EIF4A1: variants seen among roughly 807,000 people sequenced by gnomAD.
EIF4A1 encodes the protein eukaryotic translation initiation factor 4A1.
Under a neutral mutation model 53.5 loss-of-function variants are expected in EIF4A1, and 11 were observed. The observed-to-expected ratio is 0.21, with a 90% CI of 0.13 to 0.34. EIF4A1 has a LOEUF of 0.34. Ranked by LOEUF, EIF4A1 falls within the 10% of genes least tolerant of loss-of-function variation. EIF4A1 has a pLI of 1.00. For synonymous variants in EIF4A1, 237 were observed against 186.7 expected (o/e 1.27, Z -2.20); for missense variants, 213 against 530.8 (o/e 0.40, Z 5.88).
chr17:7,575,841 G>C (rs2071393758), intron 4 of EIF4A1: 1 of 205,232 alleles, frequency 4.9e-6, no homozygotes, highest in Non-Finnish European at 1.0e-5. Context: ...TATGGCAGGA[G>C]TGCAATAGGA....
At chr17:7,574,772 G>A (rs780607802) in intron 3 of EIF4A1, 94 bp downstream of exon 3, 122 of 1,589,136 alleles carry the variant, frequency 7.7e-5, no homozygotes, top group Non-Finnish European at 1.0e-4. Flanking sequence ...ATCAGCCAGG[G>A]ACAAAGCAAC....
chr17:7,576,988 A>G, intron 5 of EIF4A1, 68 bp from the exon 6 acceptor site: 2 of 1,567,630 alleles, frequency 1.3e-6, no homozygotes, highest in Admixed American at 1.7e-5. Context: ...TTATCAGCGA[A>G]GTTGGATATA....
At chr17:7,574,085 A>G in intron 1 of EIF4A1, 175 bp from the exon 2 acceptor site, 3 of 700,804 alleles carry the variant, frequency 4.3e-6, no homozygotes, top group South Asian at 3.7e-5. Flanking sequence ...CATGGGGCAA[A>G]TGCCTCAGTT....
At chr17:7,573,293 A>C (rs1485793794) in intron 1 of EIF4A1, 1 of 291,808 alleles carries the variant, frequency 3.4e-6, no homozygotes, top group Non-Finnish European at 6.6e-6. Flanking sequence ...ACCACTCGCG[A>C]GAGGCGGGGG....
rs758502373 is a variant in EIF4A1 at position 7,577,684 on chromosome 17, G to A, written c.884G>A (p.Arg295Gln). The A allele has an allele frequency of 2.5e-6, 4 of 1,613,092 alleles. No individual in the cohort carries two copies. Among genetic ancestry groups the A allele is most frequent in the Non-Finnish European group, 3.4e-6 (4 of 1,179,922 alleles). The change falls in exon 8 of 11, where the codon CGA becomes CAA. Residue 295 changes from arginine (R) to glutamine (Q), a missense_variant. By Grantham distance (43) the Arg-to-Gln change is conservative. Transcript: ENST00000293831. The surrounding 1 kb of genome is among the most constrained non-coding windows in gnomAD (Gnocchi z 4.7). ...VDWLTEKMHA[R>Q]DFTVSAMHGD... ...TGGCTCACCGAGAAGATGCATGCTCGAGATTTCACTGTATCCGCCATGGTG... is the reference window on the plus strand; with the variant it reads ...TGGCTCACCGAGAAGATGCATGCTCAAGATTTCACTGTATCCGCCATGGTG...
rs756289815 is a variant in EIF4A1, at chr17:7,577,949, G to T, written c.996+33G>T. 13 of 1,613,304 alleles carry T rather than the reference G, an allele frequency of 8.1e-6. No homozygotes were observed. The highest frequency in any genetic ancestry group is 1.1e-5 in the Non-Finnish European group (13 of 1,179,362). ...GAGGGAACTGATAGCAAAGGCAGAA[G>T]GGAGGATCCAAGGTGATTCCCTCTC... On this transcript the variant is annotated intron_variant, in intron 9 of 10. Coordinates refer to ENST00000293831, the MANE Select transcript of EIF4A1 (RefSeq NM_001416.4). This position sits in a 1 kb window ranked among gnomAD's most constrained non-coding sequence, Gnocchi z 4.7.
intron 4 of EIF4A1, 157 bp downstream of exon 4, chr17:7,575,415 AC>A: frequency 9.0e-7 from 1 of 1,110,026 alleles, no homozygotes; most frequent in Non-Finnish European, 1.3e-6. Context: ...GCTATTTCTT[AC>A]CCAAACGTAA....
intron 5 of EIF4A1, 114 bp from the exon 6 acceptor site, chr17:7,576,942 A>C (rs776703422): frequency 2.2e-6 from 3 of 1,385,344 alleles, no homozygotes; most frequent in Admixed American, 1.7e-5. Flanking sequence ...CAGTCTTTGT[A>C]CTCTGAGAGC....
In EIF4A1 at chr17:7,577,607, C is replaced by T. The variant is rs1166792536; in HGVS notation, c.807C>T (p.Thr269=). The T allele has an allele frequency of 1.2e-6, 2 of 1,613,656 alleles. No individual in the cohort carries two copies. The highest frequency in any genetic ancestry group is 1.7e-6 in the Non-Finnish European group (2 of 1,179,944). ...ACACACTATGTGACTTGTATGAAAC[C>T]CTGACCATCACCCAGGCAGTCATCT... is the stretch of plus-strand genomic sequence containing the variant. The part of the protein sequence containing the change: ...KLDTLCDLYE[T]LTITQAVIFI... Residue 269 remains threonine (T), a synonymous_variant, in exon 8 of 11, where the codon ACC becomes ACT. Coordinates refer to ENST00000293831, the MANE Select transcript of EIF4A1 (RefSeq NM_001416.4). The surrounding 1 kb of genome is among the most constrained non-coding windows in gnomAD (Gnocchi z 4.7).
chr17:7,575,360 A>G (rs1414674135), intron 4 of EIF4A1, 102 bp downstream of exon 4: 3 of 1,542,726 alleles, frequency 1.9e-6, no homozygotes, highest in East Asian at 4.5e-5. Context: ...TGGGAGGAAG[A>G]CATGGGTGCC....
chr17:7,575,093 A>AT, intron 3 of EIF4A1, 26 bp from the exon 4 acceptor site: 1 of 1,611,130 alleles, frequency 6.2e-7, no homozygotes, highest in South Asian at 1.1e-5. Context: ...TCTTTACCAC[A>AT]TTCAACTCCT....
rs773575357 is a variant in EIF4A1 at position 7,574,302 on chromosome 17, C to T, written c.66C>T (p.Val22=). 6.2e-7 allele frequency: 1 copy of T among 1,614,088 alleles called. No homozygotes were observed. The highest frequency in any genetic ancestry group is 8.5e-7 in the Non-Finnish European group (1 of 1,180,050). The change falls in exon 2 of 11, where the codon GTC becomes GTT. Residue 22 remains valine, a synonymous_variant. Coordinates refer to ENST00000293831, the MANE Select transcript of EIF4A1 (RefSeq NM_001416.4). ...NGPDGMEPEG[V]IESNWNEIVD... ...CCGATGGGATGGAGCCCGAAGGCGTCATCGAGGTGAGACTGGAGAAATGGA... is the reference window on the plus strand; with the variant it reads ...CCGATGGGATGGAGCCCGAAGGCGTTATCGAGGTGAGACTGGAGAAATGGA...
chr17:7,577,681 C>A lies in EIF4A1; in HGVS notation c.881C>A (p.Ala294Asp). ...KVDWLTEKMHARDFTVSAMHG... is the reference protein window; with the variant it reads ...KVDWLTEKMHDRDFTVSAMHG... ...GACTGGCTCACCGAGAAGATGCATG[C>A]TCGAGATTTCACTGTATCCGCCATG... The change falls in exon 8 of 11, where the codon GCT (alanine) becomes GAT (aspartate). Residue 294 changes from alanine to aspartate, a missense_variant. Coordinates refer to ENST00000293831, the MANE Select transcript of EIF4A1 (RefSeq NM_001416.4). The surrounding 1 kb of genome is among the most constrained non-coding windows in gnomAD (Gnocchi z 4.7). 6.2e-7 allele frequency: 1 copy of A among 1,613,240 alleles called. No homozygotes were observed. Among genetic ancestry groups the A allele is most frequent in the South Asian group, 1.1e-5 (1 of 91,040 alleles).
At position 7,574,547 on chromosome 17, in the gene EIF4A1, G is replaced by C. The variant is rs749545098; in HGVS notation, c.74G>C (p.Ser25Thr). 5.6e-6 allele frequency: 9 copies of C among 1,612,716 alleles called. No individual in the cohort carries two copies. Among genetic ancestry groups the C allele is most frequent in the Non-Finnish European group, 7.6e-6 (9 of 1,179,962 alleles). Residue 25 changes from serine (S) to threonine (T), a missense_variant and splice_region_variant, in exon 3 of 11, where the codon AGT becomes ACT. By Grantham distance (58) the Ser-to-Thr change is moderately conservative. Around this residue, in one of 4 missense-constraint regions of EIF4A1, gnomAD observed 53 missense variants for 34.0 expected, o/e 1.56. Coordinates refer to ENST00000293831, the MANE Select transcript of EIF4A1 (RefSeq NM_001416.4). ...DGMEPEGVIE[S>T]NWNEIVDSFD... ...CTTTAATTTCTTTGCATCCCCTAGA[G>C]TAACTGGAATGAGATTGTTGACAGC...
Position 7,577,815 on chromosome 17 carries a change from T to C in EIF4A1, c.907-12T>C. 1.9e-6 allele frequency: 3 copies of C among 1,614,168 alleles called. No homozygotes were observed. Among genetic ancestry groups the C allele is most frequent in the Non-Finnish European group, 2.5e-6 (3 of 1,180,028 alleles). ...CCTACCTGGTCTGCTGCATATTTGT[T>C]TTCTCTTCCAGCATGGAGATATGGA... is the stretch of plus-strand genomic sequence containing the variant. On this transcript the variant is annotated splice_polypyrimidine_tract_variant and intron_variant, in intron 8 of 10. Transcript: ENST00000293831. The surrounding 1 kb of genome is among the most constrained non-coding windows in gnomAD (Gnocchi z 4.7).
chr17:7,574,124 TTGGGAGCTGG>T (rs2071366736), intron 1 of EIF4A1, 126 bp from the exon 2 acceptor site: 7 of 973,476 alleles, frequency 7.2e-6, no homozygotes, highest in Non-Finnish European at 1.1e-5. Flanking sequence ...TGGGTATTTT[TTGGGAGCTGG>T]TGGGAGTTGG....
intron 1 of EIF4A1, chr17:7,573,275 C>A: frequency 2.9e-6 from 1 of 339,636 alleles, no homozygotes; most frequent in South Asian, 3.0e-5. Context: ...CCGGAGCATT[C>A]TGACGGTACC....
Position 7,577,017 on chromosome 17 carries a change from A to G in EIF4A1, c.515-39A>G, listed in dbSNP as rs766667120. ...GGATATATCTCTCCCACATTTCCCTAATCATATGCTATATATTGGCTTTTT... is the reference window on the plus strand; with the variant it reads ...GGATATATCTCTCCCACATTTCCCTGATCATATGCTATATATTGGCTTTTT... On this transcript the variant is annotated intron_variant, in intron 5 of 10. Transcript: ENST00000293831. The surrounding 1 kb of genome is among the most constrained non-coding windows in gnomAD (Gnocchi z 4.7). The G allele has an allele frequency of 6.2e-7, 1 of 1,608,304 alleles. No individual in the cohort carries two copies. Among genetic ancestry groups the G allele is most frequent in the Non-Finnish European group, 8.5e-7 (1 of 1,175,128 alleles).
Position 7,577,935 on chromosome 17 carries a change from T to TA in EIF4A1, c.996+20dup. 3.1e-6 allele frequency: 5 copies of TA among 1,614,070 alleles called. No individual in the cohort carries two copies. The highest frequency in any genetic ancestry group is 4.2e-6 in the Non-Finnish European group (5 of 1,179,928). On this transcript the variant is annotated intron_variant, in intron 9 of 10. Transcript: ENST00000293831. This position sits in a 1 kb window ranked among gnomAD's most constrained non-coding sequence, Gnocchi z 4.7. The stretch of plus-strand genomic sequence containing the variant: ...CCTGCTGGTGAGTAGAGGGAACTGA[T>TA]AGCAAAGGCAGAAGGGAGGATCCAA...
Sources: allele counts gnomAD v4.1 joint callset, GRCh38; gene constraint gnomAD v4.1.1; regional missense constraint gnomAD v4.1.1; non-coding constraint Gnocchi (gnomAD v3.1); transcripts MANE v1.5; gene names NCBI Gene and HGNC (gene_info 2026-07-23, HGNC 2026-07-21).